TACR3: variants seen among roughly 807,000 people sequenced by gnomAD.
TACR3 encodes the protein neuromedin-K receptor.
TACR3 carries 34 observed loss-of-function variants against 35.0 expected under a neutral mutation model. The ratio of observed to expected loss-of-function variants is 0.97; its 90% CI spans 0.74 to 1.30. The LOEUF is 1.30. Among genes scored for constraint, TACR3 ranks in the 50% most tolerant of loss-of-function variants. TACR3 has a pLI of 0.00. For missense variants in TACR3, 558 were observed against 591.7 expected (o/e 0.94, Z 0.59); for synonymous variants, 233 against 221.1 (o/e 1.05, Z -0.48).
At chr4:103,638,928 A>T (rs1215611847) in intron 3 of TACR3, among the ~76,000 whole-genome samples, 1 of 152,184 alleles carries the variant, frequency 6.6e-6, no homozygotes, top group African/African-American at 2.4e-5. Flanking sequence ...ATCATTAAAA[A>T]GTCAGGAAAC....
chr4:103,711,366 A>C (rs1378096168), intron 1 of TACR3, among the ~76,000 whole-genome samples: 1 of 152,230 alleles, frequency 6.6e-6, no homozygotes, highest in East Asian at 1.9e-4. Context: ...ATAATCCAGC[A>C]TATAAACAGA....
intron 1 of TACR3, among the ~76,000 whole-genome samples, chr4:103,690,663 C>A (rs1440108793): frequency 1.3e-5 from 2 of 152,026 alleles, no homozygotes; most frequent in African/African-American, 2.4e-5. Context: ...AATCTAATAG[C>A]ACCAAAATAC....
chr4:103,597,380 TAA>T (rs925887152), intron 3 of TACR3, among the ~76,000 whole-genome samples: 1 of 152,142 alleles, frequency 6.6e-6, no homozygotes, highest in African/African-American at 2.4e-5. Flanking sequence ...ATGCTTGGAA[TAA>T]AAATGGTCAG....
At chr4:103,671,795 C>CT (rs1271239717) in intron 1 of TACR3, among the ~76,000 whole-genome samples, 1 of 151,990 alleles carries the variant, frequency 6.6e-6, no homozygotes, top group Non-Finnish European at 1.5e-5. Flanking sequence ...CTTAGTCCTG[C>CT]TTTTGCTGTA....
At chr4:103,676,161 C>T (rs1471803844) in intron 1 of TACR3, among the ~76,000 whole-genome samples, 2 of 152,168 alleles carry the variant, frequency 1.3e-5, no homozygotes, top group Non-Finnish European at 2.9e-5. Flanking sequence ...GTAGCACTCA[C>T]CTTGCAGCTT....
chr4:103,704,260 T>A (rs1026099135), intron 1 of TACR3, among the ~76,000 whole-genome samples: 4 of 152,178 alleles, frequency 2.6e-5, no homozygotes, highest in Non-Finnish European at 4.4e-5. Flanking sequence ...TTGTAACTTG[T>A]GAATCTTGCA....
intron 3 of TACR3, among the ~76,000 whole-genome samples, chr4:103,605,679 T>A (rs182953935): frequency 0.016 from 2,479 of 152,118 alleles, 55 homozygotes; most frequent in African/African-American, 0.057. Context: ...GGGGTTGTTT[T>A]TTTCTTGTAA....
intron 1 of TACR3, among the ~76,000 whole-genome samples, chr4:103,680,503 A>G (rs2189219): frequency 1.4e-5 from 2 of 147,074 alleles, no homozygotes; most frequent in African/African-American, 5.1e-5. Flanking sequence ...ATACACACAC[A>G]CACACACACA....
chr4:103,689,480 A>T (rs905467050), intron 1 of TACR3, among the ~76,000 whole-genome samples: 1 of 152,168 alleles, frequency 6.6e-6, no homozygotes, highest in African/African-American at 2.4e-5. Context: ...ACTATCAAAG[A>T]TATAGAAATT....
chr4:103,714,487 A>G (rs1560543041), intron 1 of TACR3, among the ~76,000 whole-genome samples: 1 of 152,198 alleles, frequency 6.6e-6, no homozygotes, highest in Admixed American at 6.5e-5. Flanking sequence ...GAGAATTACA[A>G]ATTTTAGAAA....
intron 1 of TACR3, among the ~76,000 whole-genome samples, chr4:103,659,840 A>G (rs574269555): frequency 6.6e-6 from 1 of 152,310 alleles, no homozygotes; most frequent in Admixed American, 6.5e-5. Context: ...TGGAGATAGC[A>G]TGGCTAATTG....
At chr4:103,665,785 A>C (rs1171603683) in intron 1 of TACR3, among the ~76,000 whole-genome samples, 1 of 152,198 alleles carries the variant, frequency 6.6e-6, no homozygotes, top group Non-Finnish European at 1.5e-5. Flanking sequence ...TGATTTTTAA[A>C]GTTACCAATC....
intron 1 of TACR3, among the ~76,000 whole-genome samples, chr4:103,706,267 G>T (rs1407078120): frequency 1.3e-5 from 2 of 152,098 alleles, no homozygotes; most frequent in Admixed American, 1.3e-4. Flanking sequence ...GAGTATACAT[G>T]ACCACACATC....
At chr4:103,638,032 T>C (rs1725238368) in intron 3 of TACR3, among the ~76,000 whole-genome samples, 1 of 152,146 alleles carries the variant, frequency 6.6e-6, no homozygotes, top group Admixed American at 6.6e-5. Context: ...ATTTACAGAT[T>C]CAATGCCATA....
chr4:103,660,871 A>G (rs1182412123), intron 1 of TACR3, among the ~76,000 whole-genome samples: 1 of 152,050 alleles, frequency 6.6e-6, no homozygotes, highest in East Asian at 1.9e-4. Context: ...ATTGTTAACC[A>G]TAACTAGGGT....
chr4:103,640,490 C>A (rs1318761949), intron 3 of TACR3, among the ~76,000 whole-genome samples: 2 of 151,820 alleles, frequency 1.3e-5, no homozygotes, highest in African/African-American at 2.4e-5. Flanking sequence ...CTGTTTAGTT[C>A]TTTTGCCCAT....
chr4:103,709,536 C>A (rs1346481310), intron 1 of TACR3, among the ~76,000 whole-genome samples: 1 of 152,200 alleles, frequency 6.6e-6, no homozygotes, highest in Non-Finnish European at 1.5e-5. Context: ...CAACTGGTAG[C>A]AGCCATTGCA....
At chr4:103,699,153 G>A (rs1722592114) in intron 1 of TACR3, among the ~76,000 whole-genome samples, 1 of 152,066 alleles carries the variant, frequency 6.6e-6, no homozygotes, top group African/African-American at 2.4e-5. Flanking sequence ...ATTACAGATG[G>A]TCCAATTACA....
intron 1 of TACR3, among the ~76,000 whole-genome samples, chr4:103,688,834 A>G (rs1490524662): frequency 6.6e-6 from 1 of 152,208 alleles, no homozygotes; most frequent in African/African-American, 2.4e-5. Context: ...TGTGGAAGGC[A>G]GTGTGGCGAT....
Sources: allele counts gnomAD v4.1 joint callset (sites outside exome capture counted in the v4.1 genomes callset), GRCh38; gene constraint gnomAD v4.1.1; transcripts MANE v1.5; gene names NCBI Gene and HGNC (gene_info 2026-07-23, HGNC 2026-07-21).